PCDHGA1: variants seen among roughly 807,000 people sequenced by gnomAD.
PCDHGA1 encodes the protein protocadherin gamma-A1.
Under a neutral mutation model 58.0 loss-of-function variants are expected in PCDHGA1, and 32 were observed. That is an observed-to-expected ratio of 0.55 (90% CI 0.42 to 0.74). The LOEUF is 0.74. Among genes scored for constraint, PCDHGA1 ranks in the 30% least tolerant of loss-of-function variants. The pLI, the probability that PCDHGA1 is intolerant of heterozygous loss-of-function variation, is 0.00. For missense variants in PCDHGA1, 1,205 were observed against 1,182.3 expected, an observed-to-expected ratio of 1.02 and a Z score of -0.28; for synonymous variants, 498 against 501.1, an observed-to-expected ratio of 0.99 and a Z score of 0.08.
chr5:141,370,397 G>A (rs752574370), intron 1 of PCDHGA1: 2 of 1,549,034 alleles, frequency 1.3e-6, no homozygotes, highest in African/African-American at 2.8e-5. Context: ...AGAGCGGGAT[G>A]GGAAATAGCT....
At chr5:141,365,031 A>C (rs766626786) in intron 1 of PCDHGA1, 14 of 1,613,758 alleles carry the variant, frequency 8.7e-6, no homozygotes, top group African/African-American at 1.3e-5. Flanking sequence ...ACGGTCCTCG[A>C]CGCAAACGAC....
At chr5:141,497,478 C>A (rs974494984) in intron 2 of PCDHGA1, among the ~76,000 whole-genome samples, 1 of 150,954 alleles carries the variant, frequency 6.6e-6, no homozygotes, top group African/African-American at 2.4e-5. Flanking sequence ...GGAGAAGGTG[C>A]GGAACCTCTC....
intron 1 of PCDHGA1, among the ~76,000 whole-genome samples, chr5:141,469,170 G>A (rs2099192781): frequency 6.6e-6 from 1 of 152,042 alleles, no homozygotes; most frequent in South Asian, 2.1e-4. Context: ...CAGCTACTTG[G>A]GAGGCTGAGG....
At chr5:141,375,357 C>T in intron 1 of PCDHGA1, 3 of 1,613,858 alleles carry the variant, frequency 1.9e-6, no homozygotes, top group African/African-American at 1.3e-5. Flanking sequence ...GTGACAGCCA[C>T]GGACAAAGGA....
intron 1 of PCDHGA1, chr5:141,395,364 AT>A: frequency 1.6e-6 from 2 of 1,264,440 alleles, no homozygotes; most frequent in Non-Finnish European, 2.1e-6. Context: ...TTTTGGGTTT[AT>A]TTTGGTGGTG....
chr5:141,404,787 G>A (rs1561696267), intron 1 of PCDHGA1: 23 of 1,613,988 alleles, frequency 1.4e-5, no homozygotes, highest in Non-Finnish European at 1.9e-5. Context: ...TTCAAGGCCA[G>A]TGAGCCAGGG....
intron 1 of PCDHGA1, chr5:141,341,530 T>C: frequency 6.7e-7 from 1 of 1,491,968 alleles, no homozygotes. Context: ...CTTGGTGAAT[T>C]ATTTCTTGGT....
intron 1 of PCDHGA1, chr5:141,415,949 C>T (rs369226000): frequency 6.5e-4 from 320 of 496,036 alleles, no homozygotes; most frequent in African/African-American, 5.9e-3. Context: ...TGGGTGGTCA[C>T]ATATTGAAAC....
chr5:141,508,270 G>C lies in PCDHGA1; in HGVS notation c.2570-2677G>C, dbSNP rs547745015. On this transcript the variant is annotated intron_variant, in intron 3 of 3. Coordinates refer to ENST00000517417, the MANE Select transcript of PCDHGA1 (RefSeq NM_018912.3). Reference sequence around the variant, plus strand: ...TCTCCTGGGACCAAGAGAAAATCCCGGTCCTTGACCAAGGTGGGCCTTGGG... The same window carrying C: ...TCTCCTGGGACCAAGAGAAAATCCCCGTCCTTGACCAAGGTGGGCCTTGGG... 4 of 152,228 alleles carry C rather than the reference G, an allele frequency of 2.6e-5. No individual in the cohort carries two copies. The East Asian group carries it at 7.7e-4, about 29-fold the overall frequency. 9.4% of individuals were successfully genotyped at this position (152,228 alleles called of 1,614,324 possible). A position where few individuals can be genotyped will look rare whatever the true frequency, so the allele number is the denominator to read the frequency against.
At chr5:141,362,022 G>A (rs769844077) in intron 1 of PCDHGA1, 1 of 1,607,598 alleles carries the variant, frequency 6.2e-7, no homozygotes, top group African/African-American at 1.3e-5. Context: ...TGCGCACAGC[G>A]CGTGCCTTGG....
At chr5:141,335,355 C>A (rs1756561919) in intron 1 of PCDHGA1, among the ~76,000 whole-genome samples, 1 of 151,918 alleles carries the variant, frequency 6.6e-6, no homozygotes, top group African/African-American at 2.4e-5. Context: ...TATATATGTA[C>A]ACACACAAAA....
chr5:141,351,952 G>A (rs1205013199), intron 1 of PCDHGA1: 1 of 1,613,070 alleles, frequency 6.2e-7, no homozygotes, highest in African/African-American at 1.3e-5. Flanking sequence ...CCGCGCTGGG[G>A]CCTGATGGCT....
Position 141,476,757 on chromosome 5 carries a change from T to C in PCDHGA1, c.2422-18050T>C. On this transcript the variant is annotated intron_variant, in intron 1 of 3. Coordinates refer to ENST00000517417, the MANE Select transcript of PCDHGA1 (RefSeq NM_018912.3). This position sits in a 1 kb window ranked among gnomAD's most constrained non-coding sequence, Gnocchi z 7.6. ...CGGGAGCCTAGTCTCCAGTTAGTGC[T>C]GACGGCGTTGGACGGAGGGACCCCA... 1.2e-6 allele frequency: 2 copies of C among 1,613,906 alleles called. No individual in the cohort carries two copies. The highest frequency in any genetic ancestry group is 1.7e-6 in the Non-Finnish European group (2 of 1,180,004).
chr5:141,443,947 T>C (rs2098410978), intron 1 of PCDHGA1, among the ~76,000 whole-genome samples: 1 of 152,082 alleles, frequency 6.6e-6, no homozygotes, highest in Non-Finnish European at 1.5e-5. Flanking sequence ...GGTTTCCTTA[T>C]TGGTATGTAT....
Position 141,340,625 on chromosome 5 carries a change from G to C in PCDHGA1, c.2421+7520G>C, listed in dbSNP as rs200006551. Reference sequence around the variant, plus strand: ...TAGCAATGTATCATTAAGCCTGTTCGTGCTGGACCAGAACGACAACGCGCC... The same window carrying C: ...TAGCAATGTATCATTAAGCCTGTTCCTGCTGGACCAGAACGACAACGCGCC... On this transcript the variant is annotated intron_variant, in intron 1 of 3. Coordinates refer to ENST00000517417, the MANE Select transcript of PCDHGA1 (RefSeq NM_018912.3). The C allele has an allele frequency of 1.2e-5, 20 of 1,614,084 alleles. No homozygotes were observed. In the East Asian group the frequency reaches 4.2e-4, roughly 34 times the overall value.
At position 141,494,934 on chromosome 5, in the gene PCDHGA1, T is replaced by C. The variant is rs2099757666; in HGVS notation, c.2480+69T>C. On this transcript the variant is annotated intron_variant, in intron 2 of 3. Transcript: ENST00000517417. ...TTCTCAGGGATGACGTGGGAGGAGA[T>C]GGGGGAGGGCCCAGCATTTGCTACA... 5.6e-6 allele frequency: 9 copies of C among 1,612,736 alleles called. No individual in the cohort carries two copies. The South Asian group carries it at 7.7e-5, about 14-fold the overall frequency.
chr5:141,364,605 G>C (rs1380468665), intron 1 of PCDHGA1: 7 of 1,614,186 alleles, frequency 4.3e-6, no homozygotes, highest in South Asian at 1.1e-5. Flanking sequence ...AGGATAGACC[G>C]GGAGGAGCTC....
chr5:141,456,103 T>C lies in PCDHGA1; in HGVS notation c.2422-38704T>C, dbSNP rs185224428. Among the ~76,000 whole-genome samples the C allele has an allele frequency of 2.6e-3, 390 of 152,142 alleles. 3 individuals are homozygous for C. The highest frequency in any genetic ancestry group is 6.7e-3 in the Admixed American group (103 of 15,290). On this transcript the variant is annotated intron_variant, in intron 1 of 3. Coordinates refer to ENST00000517417, the MANE Select transcript of PCDHGA1 (RefSeq NM_018912.3). The stretch of plus-strand genomic sequence containing the variant: ...CAGTAGAGACGGGATTTCACCGTGT[T>C]AGCCAGGATGGTCTCCATCTCCTGA...
In PCDHGA1 at chr5:141,387,802, G is replaced by A. The variant is rs916959942; in HGVS notation, c.2421+54697G>A. 2.0e-6 allele frequency: 3 copies of A among 1,511,984 alleles called. No homozygotes were observed. The Admixed American group carries it at 7.0e-5, about 35-fold the overall frequency. 93.7% of individuals were successfully genotyped at this position (1,511,984 alleles called of 1,614,324 possible). On this transcript the variant is annotated intron_variant, in intron 1 of 3. Coordinates refer to ENST00000517417, the MANE Select transcript of PCDHGA1 (RefSeq NM_018912.3). ...CTGGAACTGCAACTAAAGTCCGTTC[G>A]GAGATCCAAAAATCTGCAATACAGA...
Sources: gnomAD v4.1 joint callset for allele counts (sites outside exome capture counted in the v4.1 genomes callset) on GRCh38, gnomAD v4.1.1 for gene constraint, Gnocchi (gnomAD v3.1) non-coding constraint, MANE v1.5 for transcripts, NCBI Gene and HGNC (gene_info 2026-07-23, HGNC 2026-07-21) for gene names.